Variants in SLC25A48 observed in about 807,000 individuals in gnomAD.
The protein encoded by SLC25A48 is solute carrier family 25 member 48.
SLC25A48 carries 29 observed loss-of-function variants against 32.2 expected under a neutral mutation model. The ratio of observed to expected loss-of-function variants is 0.90; its 90% CI spans 0.67 to 1.23. SLC25A48 has a LOEUF of 1.23. Among genes scored for constraint, SLC25A48 ranks in the 50% most tolerant of loss-of-function variants. The pLI, the probability that SLC25A48 is intolerant of heterozygous loss-of-function variation, is 0.00. For synonymous variants in SLC25A48, 164 were observed against 172.3 expected, an observed-to-expected ratio of 0.95 and a Z score of 0.38; for missense variants, 399 against 422.7, an observed-to-expected ratio of 0.94 and a Z score of 0.49.
rs994181835 is a variant in SLC25A48 at position 135,763,288 on chromosome 5, A to C, written c.-520-49235A>C. ...GAGAAATGCTTCCTAAGGGCCTGGC[A>C]TACAAGGTGGTAGCAGCAGCAATGG... On this transcript the variant is annotated intron_variant, in intron 3 of 10. Coordinates refer to the SLC25A48 transcript ENST00000646290. Among the ~76,000 whole-genome samples, 5 of 152,124 alleles carry C rather than the reference A, an allele frequency of 3.3e-5. 1 individual carries two copies. In the East Asian group the frequency reaches 9.6e-4, roughly 29 times the overall value.
chr5:135,668,107 G>A (rs962998240), intron 3 of SLC25A48, among the ~76,000 whole-genome samples: 2 of 152,186 alleles, frequency 1.3e-5, no homozygotes, highest in African/African-American at 4.8e-5. Flanking sequence ...CACACTCTAA[G>A]ATGTCATAAT....
At chr5:135,626,259 C>T (rs1752438725) in intron 1 of SLC25A48, among the ~76,000 whole-genome samples, 1 of 152,222 alleles carries the variant, frequency 6.6e-6, no homozygotes, top group Non-Finnish European at 1.5e-5. Context: ...GGCAGATGCT[C>T]AAGTATAAAC....
intron 1 of SLC25A48, among the ~76,000 whole-genome samples, chr5:135,598,016 AAAC>A: frequency 1.7e-5 from 1 of 59,192 alleles, no homozygotes; most frequent in African/African-American, 4.9e-5. Flanking sequence ...AAAAAAAATC[AAAC>A]CAAAAAACAA....
At chr5:135,592,960 T>C (rs1366877529) in intron 1 of SLC25A48, among the ~76,000 whole-genome samples, 1 of 152,154 alleles carries the variant, frequency 6.6e-6, no homozygotes, top group African/African-American at 2.4e-5. Flanking sequence ...TTCTATAACT[T>C]ATATGAATAT....
rs534151252 is a variant in SLC25A48 at position 135,781,958 on chromosome 5, A to T, written c.-520-30565A>T. 4.3e-5 allele frequency among the ~76,000 whole-genome samples: 5 copies of T among 115,070 alleles called. 2 individuals carry two copies. The highest frequency in any genetic ancestry group is 6.5e-5 in the Non-Finnish European group (3 of 46,398). 75.5% of individuals were successfully genotyped at this position (115,070 alleles called of 152,430 possible). A position where few individuals can be genotyped will look rare whatever the true frequency, so the allele number is the denominator to read the frequency against. On this transcript the variant is annotated intron_variant, in intron 3 of 10. Transcript: ENST00000646290. The stretch of plus-strand genomic sequence containing the variant: ...GTGGAGGAGAATGATAATACTCCCA[A>T]TATCACAGGGGTTGTACAACTTCCC...
chr5:135,588,187 T>G (rs569754037), intron 1 of SLC25A48, among the ~76,000 whole-genome samples: 29 of 152,336 alleles, frequency 1.9e-4, no homozygotes, highest in African/African-American at 6.0e-4. Flanking sequence ...TTGTACAAGT[T>G]TTTCCTGAGT....
chr5:135,654,205 G>T (rs1251559146), intron 3 of SLC25A48, among the ~76,000 whole-genome samples: 9 of 152,146 alleles, frequency 5.9e-5, no homozygotes, highest in Non-Finnish European at 1.5e-5. Context: ...ATGTATTACG[G>T]CAATGGAAAA....
chr5:135,804,685 T>G (rs1300784042), intron 3 of SLC25A48, among the ~76,000 whole-genome samples: 1 of 151,646 alleles, frequency 6.6e-6, no homozygotes. Context: ...AATATCACAG[T>G]GTGTGTACAG....
At chr5:135,849,908 C>T (rs151050964) in intron 2 of SLC25A48, among the ~76,000 whole-genome samples, 1 of 152,030 alleles carries the variant, frequency 6.6e-6, no homozygotes, top group African/African-American at 2.4e-5. Context: ...GATGGGAGGC[C>T]ACTGGAGGCT....
chr5:135,586,970 G>A (rs1406837665), intron 1 of SLC25A48, among the ~76,000 whole-genome samples: 5 of 152,152 alleles, frequency 3.3e-5, no homozygotes, highest in Non-Finnish European at 7.3e-5. Context: ...GAGATGGGAG[G>A]CAAGAGAAAC....
At chr5:135,876,761 TAAAC>T (rs1403926238) in intron 6 of SLC25A48, among the ~76,000 whole-genome samples, 1 of 152,162 alleles carries the variant, frequency 6.6e-6, no homozygotes, top group Non-Finnish European at 1.5e-5. Flanking sequence ...AATAGTAACA[TAAAC>T]AAAAATAATC....
At chr5:135,680,907 G>A (rs900215296) in intron 3 of SLC25A48, among the ~76,000 whole-genome samples, 2 of 152,164 alleles carry the variant, frequency 1.3e-5, no homozygotes, top group African/African-American at 4.8e-5. Context: ...TAGGCCATTT[G>A]AAGTTGTCTC....
intron 3 of SLC25A48, among the ~76,000 whole-genome samples, chr5:135,785,590 A>G (rs1374766090): frequency 2.3e-4 from 28 of 123,236 alleles, no homozygotes; most frequent in Middle Eastern, 0.012. Flanking sequence ...CCATGGGGCG[A>G]GGGGTGGAAC....
At chr5:135,671,528 A>G (rs1172059054) in intron 3 of SLC25A48, 1 of 152,200 alleles carries the variant, frequency 6.6e-6, no homozygotes, top group Non-Finnish European at 1.5e-5. Flanking sequence ...CCCTGAATGC[A>G]TATCCCAGCT....
chr5:135,721,228 G>GTT (rs1754948075), intron 3 of SLC25A48, among the ~76,000 whole-genome samples: 1 of 55,822 alleles, frequency 1.8e-5, no homozygotes, highest in Non-Finnish European at 4.2e-5. Context: ...TTTTGACAGA[G>GTT]TCTTGCTCTG....
intron 3 of SLC25A48, chr5:135,650,442 C>T (rs780375604): frequency 2.2e-6 from 1 of 456,106 alleles, no homozygotes; most frequent in Non-Finnish European, 4.4e-6. Context: ...AGCCTCCAGA[C>T]ACAGTGAGTT....
At chr5:135,599,215 A>G (rs1348531362) in intron 1 of SLC25A48, among the ~76,000 whole-genome samples, 1 of 152,154 alleles carries the variant, frequency 6.6e-6, no homozygotes, top group Non-Finnish European at 1.5e-5. Context: ...GGAGATGGAC[A>G]GTGTGGCTGC....
exon 3 of SLC25A48, chr5:135,634,773 A>T (rs990847991): frequency 3.3e-5 from 5 of 152,234 alleles, no homozygotes; most frequent in African/African-American, 1.2e-4. Context: ...CACTAGGCAA[A>T]TACTTTTTAA....
At chr5:135,660,938 G>A (rs115848877) in intron 3 of SLC25A48, among the ~76,000 whole-genome samples, 1,966 of 152,300 alleles carry the variant, frequency 0.013, 53 homozygotes, top group African/African-American at 0.045. Flanking sequence ...TGTTTTCTCA[G>A]CATGAGTCTG....
Sources: gnomAD v4.1 joint callset for allele counts (sites outside exome capture counted in the v4.1 genomes callset) on GRCh38, gnomAD v4.1.1 for gene constraint, MANE v1.5 for transcripts, NCBI Gene and HGNC (gene_info 2026-07-23, HGNC 2026-07-21) for gene names.